Variants in LAMB1 observed in about 807,000 individuals in gnomAD.
LAMB1 encodes the protein laminin subunit beta-1.
In LAMB1, 121 loss-of-function variants were observed where a neutral mutation model predicts 222.3. The observed-to-expected ratio is 0.54, with a 90% CI of 0.47 to 0.63. LAMB1 has a LOEUF of 0.63. Among genes scored for constraint, LAMB1 ranks in the 30% least tolerant of loss-of-function variants. The pLI is 0.00. For missense variants in LAMB1, 2,172 were observed against 2,240.8 expected (o/e 0.97, Z 0.62); for synonymous variants, 794 against 807.2 (o/e 0.98, Z 0.28).
rs200599445 is a variant in LAMB1 at position 107,935,347 on chromosome 7, G to GTT, written c.4188+66_4188+67dup. On this transcript the variant is annotated intron_variant, in intron 27 of 33. Coordinates refer to ENST00000222399, the MANE Select transcript of LAMB1 (RefSeq NM_002291.3). ...GACAAAAGATGGTTTGTTTTTCTTT[G>GTT]TTTTTTTTTTTTTTTTTTTTTTTTT... 396 of 1,172,840 alleles carry GTT rather than the reference G, an allele frequency of 3.4e-4. 6 individuals carry two copies. Among genetic ancestry groups the GTT allele is most frequent in the Middle Eastern group, 6.1e-4 (2 of 3,268 alleles). The allele number at this position is 1,172,840 out of a possible 1,614,324, so 72.7% of individuals were successfully genotyped here.
chr7:107,994,820 C>A, intron 5 of LAMB1, 67 bp downstream of exon 5: 1 of 838,516 alleles, frequency 1.2e-6, no homozygotes, highest in Non-Finnish European at 2.0e-6. Context: ...ATCTGACATC[C>A]ATTTTGAAAG....
chr7:107,964,633 C>G lies in LAMB1; in HGVS notation c.1617G>C (p.Gln539His). 1.2e-6 allele frequency: 2 copies of G among 1,614,172 alleles called. No homozygotes were observed. The highest frequency in any genetic ancestry group is 1.1e-5 in the South Asian group (1 of 91,078). Residue 539 changes from glutamine to histidine, a missense_variant, in exon 14 of 34, where the codon CAG (glutamine) becomes CAC (histidine). Physicochemically the swap from Gln to His is conservative, Grantham distance 24. Coordinates refer to ENST00000222399, the MANE Select transcript of LAMB1 (RefSeq NM_002291.3). Reference sequence around the variant, plus strand: ...AGTAACCAGGTTCCACTTCGTTGCACTGACGTCCAATCATGTGAGGCCGGC... The same window carrying G: ...AGTAACCAGGTTCCACTTCGTTGCAGTGACGTCCAATCATGTGAGGCCGGC... ...CSCRPHMIGRQCNEVEPGYYF... is the reference protein window; with the variant it reads ...CSCRPHMIGRHCNEVEPGYYF...
intron 5 of LAMB1, among the ~76,000 whole-genome samples, chr7:107,991,800 C>T (rs566990557): frequency 4.5e-4 from 64 of 142,470 alleles, no homozygotes; most frequent in African/African-American, 1.4e-3. Flanking sequence ...CCTAGCTACT[C>T]GGGAGGCTAA....
intron 26 of LAMB1, 121 bp downstream of exon 26, chr7:107,936,972 A>G: frequency 1.3e-6 from 1 of 785,002 alleles, no homozygotes; most frequent in Non-Finnish European, 2.0e-6. Flanking sequence ...CAGAAACTGG[A>G]TGAGCAAAAG....
intron 9 of LAMB1, among the ~76,000 whole-genome samples, chr7:107,976,882 G>C (rs12705426): frequency 0.17 from 4,064 of 24,500 alleles, 725 homozygotes; most frequent in African/African-American, 0.36. Flanking sequence ...CTTTCCTCTT[G>C]CTCCTTCCTT....
At chr7:107,960,327 C>G in intron 18 of LAMB1, 118 bp downstream of exon 18, 2 of 679,300 alleles carry the variant, frequency 2.9e-6, no homozygotes, top group African/African-American at 1.8e-5. Flanking sequence ...AACTGAGACA[C>G]TATTTCCCTT....
intron 14 of LAMB1, among the ~76,000 whole-genome samples, chr7:107,963,629 T>C (rs1446281747): frequency 6.6e-6 from 1 of 152,258 alleles, no homozygotes; most frequent in African/African-American, 2.4e-5. Context: ...TGTATGTATC[T>C]GTATGTACCC....
At position 107,951,942 on chromosome 7, in the gene LAMB1, G is replaced by A. The variant is rs13240038; in HGVS notation, c.3294+67C>T. 2,918 of 1,376,608 alleles carry A rather than the reference G, an allele frequency of 2.1e-3. 6 individuals carry two copies. The highest frequency in any genetic ancestry group is 2.8e-3 in the Non-Finnish European group (2,785 of 998,570). 85.3% of individuals were successfully genotyped at this position (1,376,608 alleles called of 1,614,324 possible). ...TGTGCCCTGGTGCCTTGCTCTAACT[G>A]GGGCAAAGTCACCATGGGCTGACAC... On this transcript the variant is annotated intron_variant, in intron 23 of 33. Transcript: ENST00000222399.
chr7:107,926,229 T>A lies in LAMB1; in HGVS notation c.5018A>T (p.Glu1673Val). ...TTGCTTCACAGTATATACTACTTTTTCAATATATTCTGCCTCCCCGGAGTT... is the reference window on the plus strand; with the variant it reads ...TTGCTTCACAGTATATACTACTTTTACAATATATTCTGCCTCCCCGGAGTT... ...AQNSGEAEYIEKVVYTVKQSA... is the reference protein window; with the variant it reads ...AQNSGEAEYIVKVVYTVKQSA... The change falls in exon 32 of 34, where the codon GAA (glutamate) becomes GTA (valine). Residue 1673 changes from glutamate (E) to valine (V), a missense_variant. Transcript: ENST00000222399. 6.2e-7 allele frequency: 1 copy of A among 1,614,008 alleles called. No homozygotes were observed. Among genetic ancestry groups the A allele is most frequent in the East Asian group, 2.2e-5 (1 of 44,880 alleles).
At chr7:107,939,404 G>A (rs1022675348) in intron 25 of LAMB1, among the ~76,000 whole-genome samples, 4 of 152,164 alleles carry the variant, frequency 2.6e-5, no homozygotes, top group African/African-American at 9.7e-5. Context: ...GATGAATGAA[G>A]CACTGGTCTG....
intron 29 of LAMB1, 59 bp from the exon 30 acceptor site, chr7:107,929,678 C>A: frequency 1.5e-6 from 2 of 1,354,028 alleles, no homozygotes; most frequent in South Asian, 2.4e-5. Context: ...TTCATTCATT[C>A]AACCACTTAC....
chr7:107,956,829 T>C lies in LAMB1; in HGVS notation c.2691-1199A>G, dbSNP rs145245355. Among the ~76,000 whole-genome samples the C allele has an allele frequency of 5.4e-3, 824 of 152,300 alleles. 7 individuals carry two copies. Among genetic ancestry groups the C allele is most frequent in the African/African-American group, 0.018 (740 of 41,552 alleles). ...TCAGGCAGGGATGGGTCATGTTACT[T>C]ATTAATTCCCATATCCAACATGTCA... On this transcript the variant is annotated intron_variant, in intron 20 of 33. Coordinates refer to ENST00000222399, the MANE Select transcript of LAMB1 (RefSeq NM_002291.3).
rs111681841 is a variant in LAMB1 at position 107,959,937 on chromosome 7, G to C, written c.2315-103C>G. On this transcript the variant is annotated intron_variant, in intron 18 of 33. Coordinates refer to ENST00000222399, the MANE Select transcript of LAMB1 (RefSeq NM_002291.3). ...CTACTTTGGATTATTCAGAGTTCTG[G>C]TTTAAAACAGTATCATCCCTATGAT... is the stretch of plus-strand genomic sequence containing the variant. 82 of 1,406,742 alleles carry C rather than the reference G, an allele frequency of 5.8e-5. 1 individual carries two copies. In the African/African-American group the frequency reaches 9.8e-4, roughly 17 times the overall value. 87.1% of individuals were successfully genotyped at this position (1,406,742 alleles called of 1,614,324 possible).
chr7:107,939,410 G>A (rs2032927594), intron 25 of LAMB1, among the ~76,000 whole-genome samples: 1 of 152,272 alleles, frequency 6.6e-6, no homozygotes, highest in African/African-American at 2.4e-5. Flanking sequence ...TGAAGCACTG[G>A]TCTGGTGGAC....
chr7:107,935,066 AT>A (rs1046673846), intron 27 of LAMB1, among the ~76,000 whole-genome samples: 10 of 152,180 alleles, frequency 6.6e-5, no homozygotes, highest in African/African-American at 2.4e-4. Flanking sequence ...AGGAAAAAAA[AT>A]ATTAAAGAAA....
Position 107,951,990 on chromosome 7 carries a change from C to T in LAMB1, c.3294+19G>A, listed in dbSNP as rs1484134241. The T allele has an allele frequency of 6.3e-7, 1 of 1,593,662 alleles. No individual in the cohort carries two copies. The highest frequency in any genetic ancestry group is 8.6e-7 in the Non-Finnish European group (1 of 1,166,378). ...CACCTGAGCTCATAAAGGCATCATC[C>T]CCAGCAGCAGCCCCTCACCTCATTG... On this transcript the variant is annotated intron_variant, in intron 23 of 33. Transcript: ENST00000222399.
chr7:107,995,429 G>A (rs2034264209), intron 4 of LAMB1, among the ~76,000 whole-genome samples: 1 of 152,170 alleles, frequency 6.6e-6, no homozygotes, highest in Non-Finnish European at 1.5e-5. Context: ...TCTCTATGCA[G>A]CAGCAAAGAA....
chr7:107,955,264 A>G (rs967451714), intron 21 of LAMB1, among the ~76,000 whole-genome samples: 2 of 152,220 alleles, frequency 1.3e-5, no homozygotes, highest in African/African-American at 2.4e-5. Flanking sequence ...GCTTTGTGTT[A>G]TAACGTTCTT....
chr7:107,926,352 G>T lies in LAMB1; in HGVS notation c.4895C>A (p.Ser1632Tyr). 1 of 1,613,378 alleles carries T rather than the reference G, an allele frequency of 6.2e-7. No homozygotes were observed. The highest frequency in any genetic ancestry group is 1.1e-5 in the South Asian group (1 of 91,046). The change falls in exon 32 of 34, where the codon TCT becomes TAT. Residue 1632 changes from serine to tyrosine, a missense_variant. Coordinates refer to ENST00000222399, the MANE Select transcript of LAMB1 (RefSeq NM_002291.3). ...GTQNLLTSIE[S>Y]ETAASEETLF... ...GGTTTCCTCAGAAGCTGCTGTTTCA[G>T]ACTCAATCTAAAAGCATGTCAATTT... is the stretch of plus-strand genomic sequence containing the variant.
Sources: allele counts gnomAD v4.1 joint callset (sites outside exome capture counted in the v4.1 genomes callset), GRCh38; gene constraint gnomAD v4.1.1; transcripts MANE v1.5; gene names NCBI Gene and HGNC (gene_info 2026-07-23, HGNC 2026-07-21).